Variants in EEFSEC observed in about 807,000 individuals in gnomAD.
The protein encoded by EEFSEC is eukaryotic elongation factor, selenocysteine-tRNA specific, also known as selenocysteine-specific elongation factor.
A neutral mutation model predicts 42.1 loss-of-function variants in EEFSEC; 43 were observed. The observed-to-expected ratio is 1.02, with a 90% CI of 0.80 to 1.32. The LOEUF is 1.32. EEFSEC is among the 40% of genes most tolerant of loss of function. EEFSEC has a pLI of 0.00. For missense variants in EEFSEC, 745 were observed against 803.6 expected, an observed-to-expected ratio of 0.93 and a Z score of 0.88; for synonymous variants, 354 against 339.1, an observed-to-expected ratio of 1.04 and a Z score of -0.48.
At chr3:128,400,065 C>T (rs2068031112) in intron 6 of EEFSEC, among the ~76,000 whole-genome samples, 1 of 152,190 alleles carries the variant, frequency 6.6e-6, no homozygotes, top group Non-Finnish European at 1.5e-5. Flanking sequence ...CACTTCTGCC[C>T]TTGCCAGGTT....
chr3:128,371,043 G>A (rs2067647585), intron 6 of EEFSEC, among the ~76,000 whole-genome samples: 1 of 152,156 alleles, frequency 6.6e-6, no homozygotes, highest in Admixed American at 6.5e-5. Flanking sequence ...AAATGAGTAG[G>A]ACATTGTTCT....
At chr3:128,395,366 G>A (rs2067969078) in intron 6 of EEFSEC, among the ~76,000 whole-genome samples, 1 of 152,142 alleles carries the variant, frequency 6.6e-6, no homozygotes, top group African/African-American at 2.4e-5. Context: ...GCCTCACTGA[G>A]ACCTGCCCAG....
intron 6 of EEFSEC, among the ~76,000 whole-genome samples, chr3:128,372,258 C>T (rs1702125): frequency 2.0e-5 from 3 of 152,140 alleles, no homozygotes; most frequent in African/African-American, 7.2e-5. Context: ...TCTTAGATAC[C>T]TGAGAGAAAG....
rs147061452 is a variant in EEFSEC, at chr3:128,333,382, G to A, written c.787-7851G>A. Among the ~76,000 whole-genome samples the A allele has an allele frequency of 2.0e-5, 3 of 152,334 alleles. No homozygotes were observed. In the East Asian group the frequency reaches 5.8e-4, roughly 29 times the overall value. ...CTTACCTGACAGAAGGAGTGCCCAT[G>A]TTAGTGATATCGCTGTGCTGAATTG... is the stretch of plus-strand genomic sequence containing the variant. On this transcript the variant is annotated intron_variant, in intron 4 of 6. Transcript: ENST00000254730.
At chr3:128,355,609 TAAAAA>T (rs5852542) in intron 5 of EEFSEC, among the ~76,000 whole-genome samples, 2 of 122,722 alleles carry the variant, frequency 1.6e-5, no homozygotes, top group African/African-American at 3.0e-5. Flanking sequence ...AATGAAGCTG[TAAAAA>T]AAAAAAAAAA....
At chr3:128,171,873 C>T (rs1032590670) in intron 1 of EEFSEC, among the ~76,000 whole-genome samples, 3 of 147,162 alleles carry the variant, frequency 2.0e-5, no homozygotes, top group African/African-American at 7.5e-5. Flanking sequence ...AACAATTCAA[C>T]AACAAAAAAA....
intron 6 of EEFSEC, among the ~76,000 whole-genome samples, chr3:128,366,015 G>T (rs574628639): frequency 6.6e-6 from 1 of 152,346 alleles, no homozygotes; most frequent in East Asian, 1.9e-4. Context: ...CCAGGCAACA[G>T]ATTGTCAGGG....
chr3:128,220,002 G>A lies in EEFSEC; in HGVS notation c.317-26834G>A, dbSNP rs139363538. 2.3e-3 allele frequency among the ~76,000 whole-genome samples: 356 copies of A among 152,168 alleles called. 9 individuals carry two copies. The highest frequency in any genetic ancestry group is 0.02 in the Admixed American group (303 of 15,272). On this transcript the variant is annotated intron_variant, in intron 1 of 6. Transcript: ENST00000254730. ...AAAATGGTAAACTCTTTGCATTTGC[G>A]GTGGCAGCTCTGTTCTCTGCACTTT...
At chr3:128,372,973 G>A (rs1163106378) in intron 6 of EEFSEC, among the ~76,000 whole-genome samples, 1 of 152,210 alleles carries the variant, frequency 6.6e-6, no homozygotes, top group Non-Finnish European at 1.5e-5. Flanking sequence ...CTTCCTTCCT[G>A]TCTGAGGAGG....
At chr3:128,412,061 C>G (rs140831697), downstream of EEFSEC, among the ~76,000 whole-genome samples, 1 of 152,166 alleles carries the variant, frequency 6.6e-6, no homozygotes, top group Non-Finnish European at 1.5e-5. Context: ...GAAGGAGGAT[C>G]GAGTCCAGTG....
At chr3:128,293,706 A>G (rs2066672780) in intron 4 of EEFSEC, among the ~76,000 whole-genome samples, 1 of 149,276 alleles carries the variant, frequency 6.7e-6, no homozygotes. Flanking sequence ...ATAGGATCAC[A>G]TTAATAACCC....
chr3:128,348,905 C>T (rs530935485), intron 5 of EEFSEC, among the ~76,000 whole-genome samples: 13 of 152,296 alleles, frequency 8.5e-5, no homozygotes, highest in African/African-American at 2.9e-4. Flanking sequence ...AGGACAGAGA[C>T]TCATGCCTGC....
intron 6 of EEFSEC, chr3:128,367,751 G>A (rs900625838): frequency 1.0e-6 from 1 of 985,404 alleles, no homozygotes; most frequent in South Asian, 4.7e-5. Flanking sequence ...CCCACTGCCT[G>A]CCTGGCCATA....
chr3:128,371,040 T>G (rs943100580), intron 6 of EEFSEC, among the ~76,000 whole-genome samples: 2 of 152,144 alleles, frequency 1.3e-5, no homozygotes, highest in African/African-American at 4.8e-5. Flanking sequence ...TTAAAATGAG[T>G]AGGACATTGT....
Position 128,264,603 on chromosome 3 carries a change from T to C in EEFSEC, c.622-14T>C, listed in dbSNP as rs1293305291. ...CTCTCCCCACGGACTGTGGCACCAG[T>C]TTCTCTTTTCTAGCTCCTGACGTCC... On this transcript the variant is annotated splice_polypyrimidine_tract_variant and intron_variant, in intron 3 of 6. Coordinates refer to ENST00000254730, the MANE Select transcript of EEFSEC (RefSeq NM_021937.5). The C allele has an allele frequency of 1.2e-6, 2 of 1,611,962 alleles. No homozygotes were observed. The highest frequency in any genetic ancestry group is 1.7e-6 in the Non-Finnish European group (2 of 1,178,768).
chr3:128,350,257 G>T (rs1303108489), intron 5 of EEFSEC, among the ~76,000 whole-genome samples: 3 of 152,232 alleles, frequency 2.0e-5, no homozygotes, highest in African/African-American at 7.2e-5. Context: ...GCTGGCTCAT[G>T]ACCTGCCTCT....
At chr3:128,333,152 A>G (rs552745477) in intron 4 of EEFSEC, among the ~76,000 whole-genome samples, 7 of 152,380 alleles carry the variant, frequency 4.6e-5, no homozygotes, top group African/African-American at 1.4e-4. Flanking sequence ...TTCCAGGCTC[A>G]TTAGTGGAAC....
intron 1 of EEFSEC, among the ~76,000 whole-genome samples, chr3:128,197,637 C>G (rs1442129412): frequency 6.6e-6 from 1 of 152,046 alleles, no homozygotes; most frequent in African/African-American, 2.4e-5. Context: ...ATCTACACTC[C>G]CACCATTAAC....
chr3:128,265,160 C>T (rs537855699), intron 4 of EEFSEC, among the ~76,000 whole-genome samples: 1 of 144,628 alleles, frequency 6.9e-6, no homozygotes, highest in East Asian at 2.1e-4. Flanking sequence ...GGACGCTGTA[C>T]GTCAGGGTGG....
Sources: allele counts gnomAD v4.1 joint callset (sites outside exome capture counted in the v4.1 genomes callset), GRCh38; gene constraint gnomAD v4.1.1; transcripts MANE v1.5; gene names NCBI Gene and HGNC (gene_info 2026-07-23, HGNC 2026-07-21).